The following SVIL variants were observed in gnomAD, a reference collection of about 807,000 sequenced individuals.
SVIL encodes supervillin, also known as archvillin.
SVIL carries 101 observed loss-of-function variants against 240.4 expected under a neutral mutation model. The observed-to-expected ratio is 0.42, with a 90% confidence interval of 0.36 to 0.50. The LOEUF (loss-of-function observed/expected upper bound fraction) is 0.50, where lower values mean the gene tolerates loss of function less well. Among genes scored for constraint, SVIL ranks in the 20% least tolerant of loss-of-function variants. The probability of loss-of-function intolerance (pLI) is 0.01; values close to 1 mark genes in which losing one functional copy is unlikely to be tolerated. For synonymous variants in SVIL, 999 were observed against 1,100.0 expected (o/e 0.91, Z 1.82); for missense variants, 2,512 against 2,818.7 (o/e 0.89, Z 2.46).
At chr10:29,628,442 A>G (rs922445081) in intron 1 of SVIL, among the ~76,000 whole-genome samples, 2 of 152,202 alleles carry the variant, frequency 1.3e-5, no homozygotes, top group Non-Finnish European at 1.5e-5. Flanking sequence ...AAAAATATCA[A>G]TATGGTTTTT....
chr10:29,645,530 A>G (rs1003119130), intron 3 of SVIL, among the ~76,000 whole-genome samples: 5 of 152,316 alleles, frequency 3.3e-5, no homozygotes, highest in African/African-American at 1.2e-4. Flanking sequence ...GGATTGTGCC[A>G]CTGAACTCCA....
intron 2 of SVIL, among the ~76,000 whole-genome samples, chr10:29,679,816 G>A (rs779634163): frequency 2.0e-5 from 3 of 151,290 alleles, no homozygotes; most frequent in African/African-American, 7.3e-5. Flanking sequence ...ACAGAAGCCC[G>A]AGCTACACCA....
rs117776781 is a variant in SVIL, at chr10:29,662,988, C to T, written c.-300-4920G>A. 5.9e-3 allele frequency among the ~76,000 whole-genome samples: 905 copies of T among 152,290 alleles called. 32 individuals carry two copies. In the East Asian group the frequency reaches 0.083, roughly 14 times the overall value. ...ATTAACTGGGTGTGGTGGCATGCAC[C>T]TGTAGCCCTAGCTACTTGGAAGGCT... On this transcript the variant is annotated intron_variant, in intron 2 of 35. Coordinates refer to the SVIL transcript ENST00000375400.
chr10:29,473,128 G>A (rs1945778039), intron 30 of SVIL, among the ~76,000 whole-genome samples: 2 of 152,060 alleles, frequency 1.3e-5, no homozygotes, highest in African/African-American at 4.8e-5. Context: ...CTGGGTGGAG[G>A]GGAGGAGCAG....
chr10:29,472,937 G>A (rs1237222593), intron 30 of SVIL, among the ~76,000 whole-genome samples: 2 of 152,268 alleles, frequency 1.3e-5, no homozygotes, highest in African/African-American at 2.4e-5. Flanking sequence ...GAATGGGTGC[G>A]GGGGGCAGTG....
intron 6 of SVIL, among the ~76,000 whole-genome samples, chr10:29,536,276 C>A (rs192547224): frequency 8.6e-5 from 13 of 151,994 alleles, no homozygotes; most frequent in African/African-American, 2.7e-4. Context: ...GGCAGGAGGG[C>A]GGGGATGGAA....
intron 2 of SVIL, among the ~76,000 whole-genome samples, chr10:29,679,154 G>C (rs556809032): frequency 6.6e-6 from 1 of 152,318 alleles, no homozygotes; most frequent in South Asian, 2.1e-4. Context: ...GCAGTGAGCA[G>C]AGATTGTGCC....
At chr10:29,599,223 G>A (rs1041447421) in intron 1 of SVIL, among the ~76,000 whole-genome samples, 3 of 152,170 alleles carry the variant, frequency 2.0e-5, no homozygotes, top group East Asian at 1.9e-4. Flanking sequence ...AGATGAGAGC[G>A]AGGAACCTCA....
chr10:29,490,584 TTA>T (rs147648171), intron 22 of SVIL, among the ~76,000 whole-genome samples: 11,422 of 137,622 alleles, frequency 0.083, 1,358 homozygotes, highest in African/African-American at 0.29. Context: ...CCCCCAGTCT[TTA>T]AAAAAAAAAA....
At chr10:29,502,883 TCTCA>T (rs1321093010) in intron 17 of SVIL, among the ~76,000 whole-genome samples, 2 of 152,106 alleles carry the variant, frequency 1.3e-5, no homozygotes, top group Non-Finnish European at 2.9e-5. Context: ...TCATAGCAAA[TCTCA>T]CTCAATGTTT....
At chr10:29,599,778 C>T (rs570977367) in intron 1 of SVIL, among the ~76,000 whole-genome samples, 69 of 152,202 alleles carry the variant, frequency 4.5e-4, no homozygotes, top group African/African-American at 1.4e-3. Context: ...AATTTCCCAA[C>T]GGTCAGATAG....
chr10:29,577,872 G>T (rs955952829), intron 1 of SVIL, among the ~76,000 whole-genome samples: 4 of 152,128 alleles, frequency 2.6e-5, no homozygotes, highest in African/African-American at 9.7e-5. Flanking sequence ...TTAGATGAAA[G>T]ATCTGTATAC....
chr10:29,639,983 G>A (rs1330161522), intron 3 of SVIL, among the ~76,000 whole-genome samples: 1 of 152,166 alleles, frequency 6.6e-6, no homozygotes, highest in East Asian at 1.9e-4. Flanking sequence ...CAGAAGAGAT[G>A]AGGCTTCTTT....
At chr10:29,704,887 A>G (rs1001744183) in intron 1 of SVIL, among the ~76,000 whole-genome samples, 19 of 152,198 alleles carry the variant, frequency 1.2e-4, no homozygotes, top group Non-Finnish European at 2.9e-5. Context: ...GGAAGGGAAC[A>G]GGGAACTCCT....
chr10:29,730,017 AT>A (rs923233083), intron 1 of SVIL, among the ~76,000 whole-genome samples: 4 of 149,482 alleles, frequency 2.7e-5, no homozygotes, highest in Non-Finnish European at 4.5e-5. Context: ...TTTCTCTATA[AT>A]TTTTTTTAAA....
intron 2 of SVIL, among the ~76,000 whole-genome samples, chr10:29,658,489 G>A (rs1275094437): frequency 2.0e-5 from 3 of 152,218 alleles, no homozygotes; most frequent in Non-Finnish European, 2.9e-5. Flanking sequence ...AGGCATGGTG[G>A]CTCCCACCTG....
intron 28 of SVIL, among the ~76,000 whole-genome samples, chr10:29,481,081 G>A (rs1427046439): frequency 1.3e-4 from 19 of 151,362 alleles, no homozygotes; most frequent in African/African-American, 4.4e-4. Flanking sequence ...TAGAATTGGA[G>A]GCCTGTCTGC....
At chr10:29,640,957 A>G (rs1958464897) in intron 3 of SVIL, among the ~76,000 whole-genome samples, 1 of 152,240 alleles carries the variant, frequency 6.6e-6, no homozygotes, top group African/African-American at 2.4e-5. Flanking sequence ...TAGGCCTGGC[A>G]GGTGCTGCCT....
chr10:29,697,517 C>A (rs1355964721), intron 1 of SVIL, among the ~76,000 whole-genome samples: 1 of 87,392 alleles, frequency 1.1e-5, no homozygotes, highest in Admixed American at 1.4e-4. Flanking sequence ...ATGACCTTAC[C>A]CCCAACCCTG....
Sources: allele counts gnomAD v4.1 joint callset (sites outside exome capture counted in the v4.1 genomes callset), GRCh38; gene constraint gnomAD v4.1.1; transcripts MANE v1.5; gene names NCBI Gene and HGNC (gene_info 2026-07-23, HGNC 2026-07-21).